FSTL4: variants seen among roughly 807,000 people sequenced by gnomAD.
FSTL4 encodes the protein follistatin like 4.
In FSTL4, 28 loss-of-function variants were observed where a neutral mutation model predicts 78.2. That is an observed-to-expected ratio of 0.36 (90% CI 0.27 to 0.49). The LOEUF (loss-of-function observed/expected upper bound fraction) is 0.49. Among genes scored for constraint, FSTL4 ranks in the 20% least tolerant of loss-of-function variants. The pLI, the probability that FSTL4 is intolerant of heterozygous loss-of-function variation, is 0.98. For missense variants in FSTL4, 922 were observed against 1,084.9 expected (o/e 0.85, Z 2.11); for synonymous variants, 422 against 440.5 (o/e 0.96, Z 0.53).
At position 133,401,005 on chromosome 5, in the gene FSTL4, CAG is replaced by C; in HGVS notation, c.161-21_161-20del. The C allele has an allele frequency of 6.2e-7, 1 of 1,612,328 alleles. No homozygotes were observed. Among genetic ancestry groups the C allele is most frequent in the Non-Finnish European group, 8.5e-7 (1 of 1,179,794 alleles). On this transcript the variant is annotated intron_variant, in intron 3 of 15. Transcript: ENST00000265342. ...GAAAGCCCTGCCAGACACACAAACA[CAG>C]AGGGTCAGCTGTAAACACTCAGAGG...
chr5:133,656,728 G>A, the FSTL4 span, among the ~76,000 whole-genome samples: 2 of 152,142 alleles, frequency 1.3e-5, no homozygotes, highest in Non-Finnish European at 2.9e-5. Flanking sequence ...ATAAGGAATT[G>A]GCATTTTACT....
chr5:133,205,281 A>C (rs1184535487), intron 14 of FSTL4, among the ~76,000 whole-genome samples: 1 of 152,184 alleles, frequency 6.6e-6, no homozygotes, highest in Non-Finnish European at 1.5e-5. Context: ...GGTGTTATGA[A>C]TAATATAGAC....
chr5:133,316,147 C>T (rs1471791407), intron 5 of FSTL4, among the ~76,000 whole-genome samples: 1 of 152,166 alleles, frequency 6.6e-6, no homozygotes, highest in Non-Finnish European at 1.5e-5. Flanking sequence ...TCAATGGAAA[C>T]CAAGCACTGC....
the FSTL4 span, among the ~76,000 whole-genome samples, chr5:133,828,334 G>T: frequency 6.6e-6 from 1 of 152,152 alleles, no homozygotes; most frequent in Admixed American, 6.5e-5. Context: ...GGATCCTAAA[G>T]TTTGCGCACT....
At chr5:133,278,098 C>T (rs903314918) in intron 6 of FSTL4, among the ~76,000 whole-genome samples, 5 of 152,182 alleles carry the variant, frequency 3.3e-5, no homozygotes, top group Admixed American at 3.3e-4. Flanking sequence ...CCCAGGATCA[C>T]CCCCAGCACA....
chr5:133,813,292 C>T, the FSTL4 span, among the ~76,000 whole-genome samples: 3 of 152,192 alleles, frequency 2.0e-5, no homozygotes, highest in Non-Finnish European at 4.4e-5. Context: ...TGAAATATTG[C>T]AATTTTTCAT....
chr5:133,739,311 G>T, the FSTL4 span, among the ~76,000 whole-genome samples: 40 of 147,746 alleles, frequency 2.7e-4, no homozygotes, highest in African/African-American at 9.5e-4. Context: ...TTAACACTAA[G>T]TGGTTTTGTG....
intron 3 of FSTL4, among the ~76,000 whole-genome samples, chr5:133,460,111 GC>G (rs1392615702): frequency 2.0e-5 from 3 of 152,178 alleles, no homozygotes; most frequent in Non-Finnish European, 2.9e-5. Flanking sequence ...GGGTATTTAA[GC>G]CCCCATAAAT....
chr5:133,210,418 C>T (rs1174683445), intron 13 of FSTL4, 120 bp from the exon 14 acceptor site: 3 of 511,810 alleles, frequency 5.9e-6, no homozygotes, highest in Non-Finnish European at 1.1e-5. Flanking sequence ...GCCAATGGTT[C>T]CATTTGGGAA....
intron 4 of FSTL4, among the ~76,000 whole-genome samples, chr5:133,397,893 G>A (rs928670807): frequency 6.6e-6 from 1 of 152,170 alleles, no homozygotes; most frequent in African/African-American, 2.4e-5. Context: ...GAAAAACAAG[G>A]TATTTTTTTG....
At chr5:133,708,672 C>A in the FSTL4 span, among the ~76,000 whole-genome samples, 1 of 152,334 alleles carries the variant, frequency 6.6e-6, no homozygotes, top group South Asian at 2.1e-4. Context: ...AAAGGAGCTG[C>A]AACTCTATCT....
the FSTL4 span, among the ~76,000 whole-genome samples, chr5:133,726,621 A>G: frequency 6.6e-6 from 1 of 152,148 alleles, no homozygotes; most frequent in Non-Finnish European, 1.5e-5. Context: ...AGTTTAACAT[A>G]TTTTAGTATT....
intron 6 of FSTL4, among the ~76,000 whole-genome samples, chr5:133,273,809 A>G (rs780008194): frequency 2.6e-5 from 4 of 152,260 alleles, no homozygotes; most frequent in African/African-American, 7.2e-5. Context: ...AGCTCTGCCC[A>G]GGGAGGGTCC....
At chr5:133,373,868 T>A (rs1755373180) in intron 4 of FSTL4, among the ~76,000 whole-genome samples, 1 of 152,200 alleles carries the variant, frequency 6.6e-6, no homozygotes, top group African/African-American at 2.4e-5. Flanking sequence ...CTTCTCTATG[T>A]TGGCTTAAAT....
the FSTL4 span, among the ~76,000 whole-genome samples, chr5:133,819,187 C>T: frequency 1.3e-5 from 2 of 151,570 alleles, no homozygotes; most frequent in African/African-American, 2.4e-5. Flanking sequence ...AAAATAAGAA[C>T]CACCTAGAAC....
In FSTL4 at chr5:133,236,995, C is replaced by T. The variant is rs1751682598; in HGVS notation, c.895-3458G>A. ...TCACAGTCCTGGTGCACAGTGGGCC[C>T]TCAAAAAATAGCTGTCGAGGGGACT... On this transcript the variant is annotated intron_variant, in intron 7 of 15. Transcript: ENST00000265342. This position sits in a 1 kb window ranked among gnomAD's most constrained non-coding sequence, Gnocchi z 5.0. 6.6e-6 allele frequency among the ~76,000 whole-genome samples: 1 copy of T among 152,170 alleles called. No homozygotes were observed.
chr5:133,400,935 C>T lies in FSTL4; in HGVS notation c.212G>A (p.Ser71Asn). Residue 71 changes from serine (S) to asparagine (N), a missense_variant, in exon 4 of 16, where the codon AGC becomes AAC. Coordinates refer to ENST00000265342, the MANE Select transcript of FSTL4 (RefSeq NM_015082.2). ...LLASCGKKFC[S>N]RGSRCVLSRK... is the part of the protein sequence containing the mutation. ...GCTGAGCACGCACCGGCTCCCTCGG[C>T]TGCAGAACTTCTTCCCGCAGGAGGC... is the stretch of plus-strand genomic sequence containing the variant. 1 of 1,613,454 alleles carries T rather than the reference C, an allele frequency of 6.2e-7. No homozygotes were observed. Among genetic ancestry groups the T allele is most frequent in the Non-Finnish European group, 8.5e-7 (1 of 1,180,038 alleles).
the FSTL4 span, among the ~76,000 whole-genome samples, chr5:133,690,856 C>T: frequency 6.6e-6 from 1 of 152,220 alleles, no homozygotes; most frequent in Non-Finnish European, 1.5e-5. Flanking sequence ...CTACCTGCTG[C>T]TCCGTTAACA....
the FSTL4 span, among the ~76,000 whole-genome samples, chr5:133,655,673 T>C: frequency 2.0e-5 from 3 of 152,242 alleles, no homozygotes; most frequent in Non-Finnish European, 4.4e-5. Context: ...ACAAACAGCC[T>C]TGAATATAAT....
Sources: gnomAD v4.1 joint callset for allele counts (sites outside exome capture counted in the v4.1 genomes callset) on GRCh38, gnomAD v4.1.1 for gene constraint, Gnocchi (gnomAD v3.1) non-coding constraint, MANE v1.5 for transcripts, NCBI Gene and HGNC (gene_info 2026-07-23, HGNC 2026-07-21) for gene names.